Variants in NUBPL observed in about 807,000 individuals in gnomAD.
The protein encoded by NUBPL is NUBP iron-sulfur cluster assembly factor, mitochondrial, also known as iron-sulfur cluster transfer protein NUBPL.
A neutral mutation model predicts 45.7 loss-of-function variants in NUBPL; 31 were observed. The ratio of observed to expected loss-of-function variants is 0.68; its 90% CI spans 0.51 to 0.92. The LOEUF (loss-of-function observed/expected upper bound fraction) is 0.92. Among genes scored for constraint, NUBPL ranks in the 40% least tolerant of loss-of-function variants. The probability of loss-of-function intolerance (pLI) is 0.00; values close to 1 mark genes in which losing one functional copy is unlikely to be tolerated. For missense variants in NUBPL, 401 were observed against 398.7 expected (o/e 1.01, Z -0.05); for synonymous variants, 144 against 140.9 (o/e 1.02, Z -0.15).
At chr14:31,820,844 A>G (rs113454164) in intron 7 of NUBPL, among the ~76,000 whole-genome samples, 1,832 of 144,832 alleles carry the variant, frequency 0.013, 37 homozygotes, top group African/African-American at 0.045. Context: ...AAAAAGGCCC[A>G]GCGCATTGTC....
intron 4 of NUBPL, among the ~76,000 whole-genome samples, chr14:31,606,607 G>A (rs2034607283): frequency 6.6e-6 from 1 of 152,140 alleles, no homozygotes; most frequent in Non-Finnish European, 1.5e-5. Context: ...TAGCCCAGCC[G>A]GTTAGGGTGG....
intron 6 of NUBPL, among the ~76,000 whole-genome samples, chr14:31,678,213 C>T (rs1422088717): frequency 6.6e-6 from 1 of 152,222 alleles, no homozygotes; most frequent in Admixed American, 6.5e-5. Context: ...GGGCTCCCCT[C>T]TGGCCCAGAG....
In NUBPL at chr14:31,859,939, T is replaced by C. The variant is rs1057282894; in HGVS notation, c.*759T>C. The C allele has an allele frequency of 6.6e-6, 1 of 152,220 alleles. No individual in the cohort carries two copies. Among genetic ancestry groups the C allele is most frequent in the Non-Finnish European group, 1.5e-5 (1 of 68,110 alleles). 9.4% of individuals were successfully genotyped at this position (152,220 alleles called of 1,614,324 possible). ...TACTGTATCTAGCAGGTGATGGAGCTTGGATTTGAACTTGAGTAATTCGAT... is the reference window on the plus strand; with the variant it reads ...TACTGTATCTAGCAGGTGATGGAGCCTGGATTTGAACTTGAGTAATTCGAT... On this transcript the variant is annotated 3_prime_UTR_variant, in exon 11 of 11. Transcript: ENST00000281081.
Position 31,850,124 on chromosome 14 carries a change from A to T in NUBPL, c.820A>T (p.Ile274Phe). 6.2e-7 allele frequency: 1 copy of T among 1,613,152 alleles called. No homozygotes were observed. Among genetic ancestry groups the T allele is most frequent in the Non-Finnish European group, 8.5e-7 (1 of 1,179,190 alleles). Residue 274 changes from isoleucine to phenylalanine, a missense_variant, in exon 10 of 11, where the codon ATT (isoleucine) becomes TTT (phenylalanine). Coordinates refer to ENST00000281081, the MANE Select transcript of NUBPL (RefSeq NM_025152.3). The part of the protein sequence containing the change: ...QTLGLEVLGD[I>F]PLHLNIREAS... ...TGTCTGCTGGGCTCTTTTAGGAGAC[A>T]TTCCCTTACACCTTAATATAAGGGA... is the stretch of plus-strand genomic sequence containing the variant.
chr14:31,697,583 G>C (rs545044448), intron 6 of NUBPL, among the ~76,000 whole-genome samples: 2 of 152,112 alleles, frequency 1.3e-5, no homozygotes, highest in African/African-American at 2.4e-5. Context: ...ATATGAAAAG[G>C]CTGTTAGGGC....
intron 6 of NUBPL, among the ~76,000 whole-genome samples, chr14:31,719,070 C>T (rs2037751156): frequency 6.6e-6 from 1 of 152,124 alleles, no homozygotes; most frequent in African/African-American, 2.4e-5. Context: ...GTGGTCTGAA[C>T]ACATACATTA....
chr14:31,673,306 A>G (rs2036617933), intron 4 of NUBPL, 49 bp from the exon 5 acceptor site: 6 of 1,467,480 alleles, frequency 4.1e-6, no homozygotes, highest in Non-Finnish European at 4.7e-6. Flanking sequence ...CAGAATGTTT[A>G]TGTGTTGTGT....
intron 6 of NUBPL, among the ~76,000 whole-genome samples, chr14:31,709,663 A>G (rs1294084734): frequency 6.6e-6 from 1 of 152,244 alleles, no homozygotes; most frequent in Non-Finnish European, 1.5e-5. Context: ...TGTACCTATC[A>G]GGATCATCTG....
rs189327746 is a variant in NUBPL at position 31,666,214 on chromosome 14, C to T, written c.383-7141C>T. Among the ~76,000 whole-genome samples the T allele has an allele frequency of 9.3e-3, 939 of 101,044 alleles. 11 individuals carry two copies. Among genetic ancestry groups the T allele is most frequent in the Non-Finnish European group, 0.016 (730 of 44,572 alleles). The allele number at this position is 101,044 out of a possible 152,430, so 66.3% of individuals were successfully genotyped here. A position where few individuals can be genotyped will look rare whatever the true frequency, so the allele number is the denominator to read the frequency against. ...GTGTCTTTTAATTGGGGCATTTAGC[C>T]CATTTATATTTAAGATATATATATA... On this transcript the variant is annotated intron_variant, in intron 4 of 10. Transcript: ENST00000281081.
chr14:31,671,579 G>A (rs963717696), intron 4 of NUBPL, among the ~76,000 whole-genome samples: 2 of 152,146 alleles, frequency 1.3e-5, no homozygotes, highest in Non-Finnish European at 2.9e-5. Flanking sequence ...TGAAGAAAAT[G>A]GCCAAAAATA....
intron 4 of NUBPL, among the ~76,000 whole-genome samples, chr14:31,647,782 G>A (rs948288672): frequency 3.3e-5 from 5 of 152,202 alleles, no homozygotes; most frequent in African/African-American, 9.7e-5. Context: ...ACCCAAGATG[G>A]TGGGGAAACT....
intron 6 of NUBPL, among the ~76,000 whole-genome samples, chr14:31,756,690 A>G (rs1347434947): frequency 6.7e-6 from 1 of 148,746 alleles, no homozygotes; most frequent in African/African-American, 2.5e-5. Context: ...AATACCCTTT[A>G]TTTCCTTCTC....
chr14:31,656,723 T>C (rs1024387044), intron 4 of NUBPL, among the ~76,000 whole-genome samples: 2 of 152,126 alleles, frequency 1.3e-5, no homozygotes, highest in African/African-American at 2.4e-5. Context: ...AATATCACCA[T>C]GATAGACATA....
chr14:31,750,269 G>C (rs1209877560), intron 6 of NUBPL, among the ~76,000 whole-genome samples: 2 of 150,522 alleles, frequency 1.3e-5, no homozygotes, highest in South Asian at 2.1e-4. Context: ...CCGCCTCCCG[G>C]GTTCACGCCA....
At chr14:31,649,657 G>A (rs1489049702) in intron 4 of NUBPL, among the ~76,000 whole-genome samples, 2 of 152,098 alleles carry the variant, frequency 1.3e-5, no homozygotes, top group Admixed American at 1.3e-4. Flanking sequence ...CACCTAAGTT[G>A]ACATTTCAGA....
chr14:31,780,432 T>C (rs1358086089), intron 6 of NUBPL, among the ~76,000 whole-genome samples: 3 of 152,160 alleles, frequency 2.0e-5, no homozygotes, highest in Non-Finnish European at 4.4e-5. Context: ...TAATGGTTTC[T>C]AAATTTTGTA....
chr14:31,639,645 G>A (rs775194834), intron 4 of NUBPL, among the ~76,000 whole-genome samples: 3 of 152,208 alleles, frequency 2.0e-5, no homozygotes, highest in African/African-American at 4.8e-5. Context: ...GTCTGCAGAC[G>A]TTACTGCTGT....
At chr14:31,579,882 T>A (rs1467129070) in intron 3 of NUBPL, among the ~76,000 whole-genome samples, 1 of 152,208 alleles carries the variant, frequency 6.6e-6, no homozygotes, top group Non-Finnish European at 1.5e-5. Flanking sequence ...ATTAGTTAAT[T>A]TAAAAAATTG....
At chr14:31,732,371 ACT>A (rs761854309) in intron 6 of NUBPL, among the ~76,000 whole-genome samples, 4 of 151,820 alleles carry the variant, frequency 2.6e-5, no homozygotes, top group African/African-American at 4.8e-5. Context: ...TTTTAAAAAC[ACT>A]TTTTTAATAC....
Sources: allele counts gnomAD v4.1 joint callset (sites outside exome capture counted in the v4.1 genomes callset), GRCh38; gene constraint gnomAD v4.1.1; transcripts MANE v1.5; gene names NCBI Gene and HGNC (gene_info 2026-07-23, HGNC 2026-07-21).